GLP2R: variants seen among roughly 807,000 people sequenced by gnomAD.
GLP2R encodes glucagon-like peptide 2 receptor.
GLP2R carries 59 observed loss-of-function variants against 68.2 expected under a neutral mutation model. The observed-to-expected ratio is 0.87, with a 90% confidence interval of 0.70 to 1.07. GLP2R has a LOEUF of 1.07. GLP2R is among the 50% of genes least tolerant of loss of function. The probability of loss-of-function intolerance (pLI) is 0.00; values close to 1 mark genes in which losing one functional copy is unlikely to be tolerated. For synonymous variants in GLP2R, 270 were observed against 265.4 expected (o/e 1.02, Z -0.17); for missense variants, 548 against 677.4 (o/e 0.81, Z 2.12).
intron 10 of GLP2R, among the ~76,000 whole-genome samples, chr17:9,875,930 T>C (rs928239390): frequency 3.9e-5 from 6 of 152,248 alleles, no homozygotes; most frequent in Non-Finnish European, 8.8e-5. Flanking sequence ...CATGCTGGAA[T>C]GCAATGGCAC....
At chr17:9,851,438 G>A (rs1204539391) in intron 4 of GLP2R, among the ~76,000 whole-genome samples, 1 of 152,110 alleles carries the variant, frequency 6.6e-6, no homozygotes, top group Non-Finnish European at 1.5e-5. Context: ...GACAATAAGA[G>A]TTGACAATAA....
rs558555875 is a variant in GLP2R, at chr17:9,844,828, C to G, written c.504+2212C>G. 8.6e-5 allele frequency among the ~76,000 whole-genome samples: 13 copies of G among 151,322 alleles called. No homozygotes were observed. The South Asian group carries it at 2.7e-3, about 32-fold the overall frequency. ...GCCTCAGCCTCCCAAGTACCTGGGA[C>G]TACAGGTGCGTGCCACCACGCCCGT... On this transcript the variant is annotated intron_variant, in intron 4 of 12. Coordinates refer to ENST00000262441, the MANE Select transcript of GLP2R (RefSeq NM_004246.3).
At position 9,845,569 on chromosome 17, in the gene GLP2R, C is replaced by T. The variant is rs117802444; in HGVS notation, c.504+2953C>T. ...AGGCATTTGATAGTTGTGATTATTG[C>T]GTTTCTTTTCTTTTCAGACTATCTT... On this transcript the variant is annotated intron_variant, in intron 4 of 12. Coordinates refer to ENST00000262441, the MANE Select transcript of GLP2R (RefSeq NM_004246.3). Among the ~76,000 whole-genome samples the T allele has an allele frequency of 5.2e-3, 795 of 152,194 alleles. 1 individual carries two copies. The highest frequency in any genetic ancestry group is 8.0e-3 in the Non-Finnish European group (544 of 68,014).
intron 10 of GLP2R, among the ~76,000 whole-genome samples, chr17:9,879,758 A>T (rs1212867236): frequency 6.6e-6 from 1 of 152,066 alleles, no homozygotes; most frequent in Non-Finnish European, 1.5e-5. Context: ...TATGAGGAGG[A>T]TCAGTTTTTC....
At chr17:9,872,558 CAA>C (rs1320590583) in intron 10 of GLP2R, among the ~76,000 whole-genome samples, 1 of 152,146 alleles carries the variant, frequency 6.6e-6, no homozygotes, top group African/African-American at 2.4e-5. Flanking sequence ...GCCTGGGTGA[CAA>C]GAGCAAAACT....
rs144132113 is a variant in GLP2R at position 9,876,812 on chromosome 17, G to A, written c.1146-3566G>A. On this transcript the variant is annotated intron_variant, in intron 10 of 12. Coordinates refer to ENST00000262441, the MANE Select transcript of GLP2R (RefSeq NM_004246.3). ...AATGTTACAAATTCAAGGAAAATTCGTTTAAAAAATTGAGTTATAAGCAAC... is the reference window on the plus strand; with the variant it reads ...AATGTTACAAATTCAAGGAAAATTCATTTAAAAAATTGAGTTATAAGCAAC... Among the ~76,000 whole-genome samples, 69 of 152,290 alleles carry A rather than the reference G, an allele frequency of 4.5e-4. No homozygotes were observed. In the East Asian group the frequency reaches 0.011, roughly 24 times the overall value.
intron 1 of GLP2R, among the ~76,000 whole-genome samples, chr17:9,826,570 T>C (rs2066633286): frequency 6.6e-6 from 1 of 152,174 alleles, no homozygotes; most frequent in South Asian, 2.1e-4. Flanking sequence ...GTTCTGCAAA[T>C]AGCATTTACA....
chr17:9,848,877 G>GTGTGTGTA (rs1454458711), intron 4 of GLP2R, among the ~76,000 whole-genome samples: 1 of 143,692 alleles, frequency 7.0e-6, no homozygotes, highest in East Asian at 1.9e-4. Context: ...TTGTGTGTGT[G>GTGTGTGTA]TGTGTGTGTG....
intron 2 of GLP2R, among the ~76,000 whole-genome samples, chr17:9,836,055 A>G (rs905825320): frequency 1.3e-5 from 2 of 152,138 alleles, no homozygotes; most frequent in Middle Eastern, 3.4e-3. Flanking sequence ...AAAAAAAAAA[A>G]AAAAAGAAAG....
chr17:9,870,933 C>T (rs112331736), intron 10 of GLP2R, 98 bp downstream of exon 10: 28 of 714,472 alleles, frequency 3.9e-5, no homozygotes, highest in Middle Eastern at 4.9e-4. Context: ...TCTCCTAAGG[C>T]CAGGGTATCA....
Position 9,873,556 on chromosome 17 carries a change from C to CTTTTTTTTTTTTTTTTTTTTTTTTTTTTT in GLP2R, c.1145+2744_1145+2745insTTTTTTTTTTTTTTTTTTTTTTTTTTTTT, listed in dbSNP as rs3073988. 2.1e-4 allele frequency among the ~76,000 whole-genome samples: 11 copies of CTTTTTTTTTTTTTTTTTTTTTTTTTTTTT among 52,076 alleles called. 2 individuals carry two copies. Among genetic ancestry groups the CTTTTTTTTTTTTTTTTTTTTTTTTTTTTT allele is most frequent in the Non-Finnish European group, 3.7e-4 (11 of 29,452 alleles). 34.2% of individuals were successfully genotyped at this position (52,076 alleles called of 152,430 possible). On this transcript the variant is annotated intron_variant, in intron 10 of 12. Coordinates refer to ENST00000262441, the MANE Select transcript of GLP2R (RefSeq NM_004246.3). Reference sequence around the variant, plus strand: ...GGATATCACAAAAACTATGCATGGACTTTTTTTTTTTTTTTTTTTTTTTAG... The same window carrying CTTTTTTTTTTTTTTTTTTTTTTTTTTTTT: ...GGATATCACAAAAACTATGCATGGACTTTTTTTTTTTTTTTTTTTTTTTTTTTTTTTTTTTTTTTTTTTTTTTTTTTTAG...
rs772880938 is a variant in GLP2R, at chr17:9,854,448, A to C, written c.505-47A>C. ...GGGTGTGGAGCTGGGGGTTGTGGCC[A>C]TAGCCCCATGGCTTAGTGGTCATGT... On this transcript the variant is annotated intron_variant, in intron 4 of 12. Coordinates refer to ENST00000262441, the MANE Select transcript of GLP2R (RefSeq NM_004246.3). The C allele has an allele frequency of 6.9e-6, 8 of 1,158,736 alleles. No individual in the cohort carries two copies. In the South Asian group the frequency reaches 9.8e-5, roughly 14 times the overall value. The allele number at this position is 1,158,736 out of a possible 1,614,324, so 71.8% of individuals were successfully genotyped here.
chr17:9,833,263 A>T (rs1055680419), intron 1 of GLP2R, among the ~76,000 whole-genome samples: 7 of 134,880 alleles, frequency 5.2e-5, no homozygotes, highest in African/African-American at 2.2e-4. Context: ...ACTCTGTCTT[A>T]AAAAAAAAAA....
intron 11 of GLP2R, among the ~76,000 whole-genome samples, chr17:9,881,291 G>C (rs576231324): frequency 1.3e-5 from 2 of 149,142 alleles, no homozygotes; most frequent in Non-Finnish European, 2.9e-5. Context: ...CATTCCTTAG[G>C]CGTTCCATGT....
chr17:9,863,422 A>G (rs1525060), intron 9 of GLP2R, among the ~76,000 whole-genome samples: 37,576 of 152,082 alleles, frequency 0.25, 7,160 homozygotes, highest in African/African-American at 0.52. Flanking sequence ...TTACTTGCCT[A>G]AAATCATAGA....
chr17:9,832,196 G>C (rs577138024), intron 1 of GLP2R, among the ~76,000 whole-genome samples: 38 of 152,272 alleles, frequency 2.5e-4, no homozygotes, highest in African/African-American at 8.7e-4. Flanking sequence ...CTAGCACTTT[G>C]AGAGGCCAAG....
Position 9,870,700 on chromosome 17 carries a change from A to G in GLP2R, c.1057-47A>G, listed in dbSNP as rs759532174. 4 of 866,294 alleles carry G rather than the reference A, an allele frequency of 4.6e-6. No homozygotes were observed. The Admixed American group carries it at 6.8e-5, about 15-fold the overall frequency. 53.7% of individuals were successfully genotyped at this position (866,294 alleles called of 1,614,324 possible). The stretch of plus-strand genomic sequence containing the variant: ...CAGCCTGACCTTGAAGTTCACAGCT[A>G]TGTGGAATTCGTCACTTACTTACCC... On this transcript the variant is annotated intron_variant, in intron 9 of 12. Coordinates refer to ENST00000262441, the MANE Select transcript of GLP2R (RefSeq NM_004246.3).
chr17:9,868,699 C>T (rs1333776531), intron 9 of GLP2R, among the ~76,000 whole-genome samples: 4 of 152,156 alleles, frequency 2.6e-5, no homozygotes, highest in Non-Finnish European at 5.9e-5. Flanking sequence ...GGAAGTGCCT[C>T]CTTCGTACGT....
chr17:9,857,482 G>A lies in GLP2R; in HGVS notation c.671G>A (p.Arg224Lys), dbSNP rs1439836471. 1.9e-5 allele frequency: 30 copies of A among 1,614,146 alleles called. No individual in the cohort carries two copies. The highest frequency in any genetic ancestry group is 3.3e-4 in the Middle Eastern group (2 of 6,062). ...HMNLFASFILRTLAVLVKDVV... is the reference protein window; with the variant it reads ...HMNLFASFILKTLAVLVKDVV... ...AACTTGTTTGCTTCTTTCATCCTGA[G>A]AACCCTGGCTGTACTGGTGAAGGAC... The change falls in exon 6 of 13, where the codon AGA becomes AAA. Residue 224 changes from arginine to lysine, a missense_variant. Transcript: ENST00000262441.
Sources: gnomAD v4.1 joint callset for allele counts (sites outside exome capture counted in the v4.1 genomes callset) on GRCh38, gnomAD v4.1.1 for gene constraint, MANE v1.5 for transcripts, NCBI Gene and HGNC (gene_info 2026-07-23, HGNC 2026-07-21) for gene names.